PBRM1: variants seen among roughly 807,000 people sequenced by gnomAD.
PBRM1 encodes the protein protein polybromo-1.
PBRM1 carries 27 observed loss-of-function variants against 194.5 expected under a neutral mutation model. The ratio of observed to expected loss-of-function variants is 0.14; its 90% CI spans 0.10 to 0.19. The LOEUF is 0.19. PBRM1 is among the 10% of genes least tolerant of loss of function. The pLI is 1.00. For synonymous variants in PBRM1, 655 were observed against 693.2 expected (o/e 0.94, Z 0.87); for missense variants, 1,466 against 2,077.2 (o/e 0.71, Z 5.72).
At chr3:52,657,052 G>A (rs2096620666) in intron 5 of PBRM1, among the ~76,000 whole-genome samples, 1 of 152,208 alleles carries the variant, frequency 6.6e-6, no homozygotes, top group South Asian at 2.1e-4. Flanking sequence ...GCAGTCACAG[G>A]ACAAATATTG....
intron 10 of PBRM1, among the ~76,000 whole-genome samples, chr3:52,640,904 G>A (rs1242996775): frequency 6.6e-6 from 1 of 152,058 alleles, no homozygotes; most frequent in Non-Finnish European, 1.5e-5. Context: ...CTCCCAAAGT[G>A]CTGAGATCAC....
chr3:52,602,593 G>A (rs1173693491), intron 17 of PBRM1, among the ~76,000 whole-genome samples: 6 of 151,976 alleles, frequency 3.9e-5, no homozygotes, highest in Non-Finnish European at 5.9e-5. Flanking sequence ...CGTCACCTTG[G>A]GCCATCAAAG....
At chr3:52,681,692 T>G, upstream of PBRM1, 1 of 1,010,866 alleles carries the variant, frequency 9.9e-7, no homozygotes, top group East Asian at 6.9e-5. Context: ...ATCAGTAATT[T>G]ACCAGCTTTA....
At chr3:52,574,668 T>C (rs2088768057) in intron 22 of PBRM1, among the ~76,000 whole-genome samples, 1 of 152,146 alleles carries the variant, frequency 6.6e-6, no homozygotes, top group Admixed American at 6.5e-5. Flanking sequence ...TAAGATCTCA[T>C]TTCTGGCTGA....
chr3:52,604,878 C>G (rs552312597), intron 16 of PBRM1, among the ~76,000 whole-genome samples: 8 of 151,854 alleles, frequency 5.3e-5, no homozygotes, highest in Admixed American at 2.0e-4. Context: ...CACTTGAACC[C>G]GGGAGGTGGA....
At chr3:52,671,364 C>T (rs1258702233) in intron 2 of PBRM1, among the ~76,000 whole-genome samples, 1 of 152,184 alleles carries the variant, frequency 6.6e-6, no homozygotes, top group Non-Finnish European at 1.5e-5. Context: ...GTCCAGCACC[C>T]AAGGTGTGTA....
exon 29 of PBRM1, chr3:52,550,532 C>A (rs1486933581): frequency 6.4e-7 from 1 of 1,573,816 alleles, no homozygotes; most frequent in Non-Finnish European, 8.6e-7. Flanking sequence ...GGTGGGGGAG[C>A]TACAAACATG....
At chr3:52,595,523 G>C (rs149027128) in intron 17 of PBRM1, among the ~76,000 whole-genome samples, 5,319 of 152,218 alleles carry the variant, frequency 0.035, 128 homozygotes, top group Middle Eastern at 0.058. Flanking sequence ...TTTTTAATTG[G>C]ATTATTAGAT....
intron 7 of PBRM1, 93 bp downstream of exon 8, chr3:52,648,251 A>C: frequency 2.7e-6 from 2 of 735,116 alleles, no homozygotes; most frequent in South Asian, 3.4e-5. Flanking sequence ...TATGTGAATT[A>C]TATCTCAATA....
chr3:52,612,714 G>A (rs2094702021), intron 15 of PBRM1, among the ~76,000 whole-genome samples: 1 of 152,084 alleles, frequency 6.6e-6, no homozygotes, highest in Non-Finnish European at 1.5e-5. Context: ...GACCAGTCTG[G>A]CCAACATGGT....
intron 20 of PBRM1, chr3:52,586,205 A>G: frequency 5.2e-6 from 2 of 387,546 alleles, no homozygotes; most frequent in Non-Finnish European, 9.2e-6. Context: ...AAATGCTGGG[A>G]TTACAGGCGT....
chr3:52,582,578 C>A (rs2091518886), intron 20 of PBRM1, among the ~76,000 whole-genome samples: 1 of 151,744 alleles, frequency 6.6e-6, no homozygotes, highest in African/African-American at 2.4e-5. Flanking sequence ...CCAACCTCCT[C>A]AGCCTCCCAA....
At chr3:52,672,158 T>C (rs1388742190) in intron 2 of PBRM1, among the ~76,000 whole-genome samples, 2 of 152,232 alleles carry the variant, frequency 1.3e-5, no homozygotes, top group Non-Finnish European at 2.9e-5. Context: ...TTTCAGCTTC[T>C]AGAGCTCACC....
In PBRM1 at chr3:52,624,946, G is replaced by A. The variant is rs1157254506; in HGVS notation, c.1541+2327C>T. 1 of 1,544,992 alleles carries A rather than the reference G, an allele frequency of 6.5e-7. No homozygotes were observed. The highest frequency in any genetic ancestry group is 2.4e-5 in the East Asian group (1 of 40,892). On this transcript the variant is annotated intron_variant, in intron 13 of 29. Transcript: ENST00000296302. The stretch of plus-strand genomic sequence containing the variant: ...ATCTCACTGTCATGAGTGTTCCTGG[G>A]AAAGCAGAAACAAACATTACATGTA...
At chr3:52,555,963 T>C (rs759557511) in intron 26 of PBRM1, among the ~76,000 whole-genome samples, 12 of 152,194 alleles carry the variant, frequency 7.9e-5, no homozygotes, top group Non-Finnish European at 1.6e-4. Flanking sequence ...GTAATGATCA[T>C]GATGAATAAG....
chr3:52,560,037 A>G (rs1010900362), intron 25 of PBRM1, among the ~76,000 whole-genome samples: 14 of 152,246 alleles, frequency 9.2e-5, no homozygotes, highest in Non-Finnish European at 1.5e-4. Flanking sequence ...GAAAACATCA[A>G]AAGTTCAGAT....
chr3:52,571,779 C>A (rs544431864), intron 22 of PBRM1, among the ~76,000 whole-genome samples: 3 of 133,084 alleles, frequency 2.3e-5, no homozygotes, highest in Admixed American at 8.7e-5. Context: ...CCAGCACTTT[C>A]GGGGAGGCTG....
At chr3:52,656,213 C>G (rs1478606384) in intron 5 of PBRM1, among the ~76,000 whole-genome samples, 1 of 152,130 alleles carries the variant, frequency 6.6e-6, no homozygotes, top group Non-Finnish European at 1.5e-5. Flanking sequence ...TCTTGCTTGT[C>G]TAGAAAACCT....
chr3:52,620,757 T>C (rs1030913869), intron 13 of PBRM1, among the ~76,000 whole-genome samples: 1 of 152,228 alleles, frequency 6.6e-6, no homozygotes, highest in Non-Finnish European at 1.5e-5. Flanking sequence ...GTTTTAGCAC[T>C]CATATTACTA....
Sources: gnomAD v4.1 joint callset for allele counts (sites outside exome capture counted in the v4.1 genomes callset) on GRCh38, gnomAD v4.1.1 for gene constraint, MANE v1.5 for transcripts, NCBI Gene and HGNC (gene_info 2026-07-23, HGNC 2026-07-21) for gene names.